Variants in ZNF675 observed in about 807,000 individuals in gnomAD.
The protein encoded by ZNF675 is zinc finger protein 675, also known as TRAF6 inhibitory zinc finger.
A neutral mutation model predicts 56.1 loss-of-function variants in ZNF675; 36 were observed. The observed-to-expected ratio is 0.64, with a 90% CI of 0.49 to 0.85. The LOEUF is 0.85. ZNF675 is among the 40% of genes least tolerant of loss of function. ZNF675 has a pLI of 0.00. For synonymous variants in ZNF675, 200 were observed against 218.9 expected, an observed-to-expected ratio of 0.91 and a Z score of 0.76; for missense variants, 663 against 654.2, an observed-to-expected ratio of 1.01 and a Z score of -0.15.
chr19:23,654,345 C>A lies in ZNF675; in HGVS notation c.588G>T (p.Lys196Asn). Residue 196 changes from lysine to asparagine, a missense_variant, in exon 4 of 4, where the codon AAG becomes AAT. By Grantham distance (94) the Lys-to-Asn change is moderately conservative. Transcript: ENST00000359788. ...ATTCTTCACATTTGCAGAAATTCACCTTGGTATAATTTCTTTCATGTCGAG... is the reference window on the plus strand; with the variant it reads ...ATTCTTCACATTTGCAGAAATTCACATTGGTATAATTTCTTTCATGTCGAG... ...HLTRHERNYTKVNFCKCEECE... is the reference protein window; with the variant it reads ...HLTRHERNYTNVNFCKCEECE... 6.2e-7 allele frequency: 1 copy of A among 1,611,728 alleles called. No homozygotes were observed. Among genetic ancestry groups the A allele is most frequent in the Non-Finnish European group, 8.5e-7 (1 of 1,179,156 alleles).
intron 1 of ZNF675, 89 bp from the exon 2 acceptor site, chr19:23,663,247 CA>C: frequency 6.7e-7 from 1 of 1,483,930 alleles, no homozygotes; most frequent in Admixed American, 2.2e-5. Context: ...CTAAAGAGAA[CA>C]GGTTCTGATT....
At chr19:23,678,583 A>AG (rs144457648) in intron 1 of ZNF675, among the ~76,000 whole-genome samples, 1 of 150,880 alleles carries the variant, frequency 6.6e-6, no homozygotes, top group Non-Finnish European at 1.5e-5. Flanking sequence ...AAAAAAAAAA[A>AG]TTAAATACAT....
At chr19:23,677,249 G>A (rs1169019244) in intron 1 of ZNF675, among the ~76,000 whole-genome samples, 1 of 138,366 alleles carries the variant, frequency 7.2e-6, no homozygotes, top group Non-Finnish European at 1.5e-5. Flanking sequence ...ACTATCCCGG[G>A]TGCAGATGAC....
chr19:23,668,940 G>A (rs944724893), intron 1 of ZNF675, among the ~76,000 whole-genome samples: 2 of 152,130 alleles, frequency 1.3e-5, no homozygotes, highest in East Asian at 1.9e-4. Context: ...TGAGGGAGTC[G>A]GCTCCGGCCT....
chr19:23,671,893 T>C (rs527753920), intron 1 of ZNF675, among the ~76,000 whole-genome samples: 1 of 152,122 alleles, frequency 6.6e-6, no homozygotes, highest in Admixed American at 6.6e-5. Flanking sequence ...ACCAAAGACA[T>C]CTCTTGCATG....
Position 23,653,804 on chromosome 19 carries a change from A to C in ZNF675, c.1129T>G (p.Phe377Val). Residue 377 changes from phenylalanine to valine, a missense_variant, in exon 4 of 4, where the codon TTT becomes GTT. This residue lies in a region of ZNF675 where 617 missense variants were observed against 590.5 expected (regional missense o/e 1.04). Coordinates refer to ENST00000359788, the MANE Select transcript of ZNF675 (RefSeq NM_138330.3). Reference sequence around the variant, plus strand: ...TCCGTAAGATTTGAGGATCGGTTAAAAGCTTTGCCGCATTCCTCACATTTG... The same window carrying C: ...TCCGTAAGATTTGAGGATCGGTTAACAGCTTTGCCGCATTCCTCACATTTG... ...PYKCEECGKA[F>V]NRSSNLTEHR... is the part of the protein sequence containing the mutation. The C allele has an allele frequency of 6.2e-7, 1 of 1,613,712 alleles. No homozygotes were observed. Among genetic ancestry groups the C allele is most frequent in the Non-Finnish European group, 8.5e-7 (1 of 1,179,908 alleles).
chr19:23,654,119 T>C lies in ZNF675; in HGVS notation c.814A>G (p.Thr272Ala), dbSNP rs1298653001. ...CCTGTATGAATTATCTTATGTGTAGTAAGGTGTGAGGACTGGTTAAAGGCT... is the reference window on the plus strand; with the variant it reads ...CCTGTATGAATTATCTTATGTGTAGCAAGGTGTGAGGACTGGTTAAAGGCT... ...GKAFNQSSHL[T>A]THKIIHTGEK... The change falls in exon 4 of 4, where the codon ACT becomes GCT. Residue 272 changes from threonine to alanine, a missense_variant. Around this residue, in one of 3 missense-constraint regions of ZNF675, gnomAD observed 617 missense variants for 590.5 expected, o/e 1.04. Transcript: ENST00000359788. 10 of 1,613,874 alleles carry C rather than the reference T, an allele frequency of 6.2e-6. No homozygotes were observed. The East Asian group carries it at 2.0e-4, about 32-fold the overall frequency.
rs772931213 is a variant in ZNF675, at chr19:23,663,080, A to G, written c.82T>C (p.Leu28=). 2 of 1,608,452 alleles carry G rather than the reference A, an allele frequency of 1.2e-6. No homozygotes were observed. Among genetic ancestry groups the G allele is most frequent in the African/African-American group, 2.7e-5 (2 of 74,546 alleles). The change falls in exon 2 of 4, where the codon TTA becomes CTA. Residue 28 remains leucine (L), a synonymous_variant. Transcript: ENST00000359788. ...TTCTCTAAAATCACATTTTTATATA[A>G]ATTCCGCTGTGCAGTGTCCAGGCAT... ...WQCLDTAQRN[L]YKNVILENYR...
At chr19:23,662,566 A>C (rs1046587306) in intron 2 of ZNF675, among the ~76,000 whole-genome samples, 3 of 152,252 alleles carry the variant, frequency 2.0e-5, no homozygotes, top group African/African-American at 7.2e-5. Flanking sequence ...ATTCTTCTCT[A>C]TACAGACAAA....
Position 23,662,145 on chromosome 19 carries a change from C to G in ZNF675, c.195G>C (p.Val65=), listed in dbSNP as rs767322226. ...CLEQEKEPLT[V]KRHEMVNEPP... is the part of the protein sequence containing the mutation. ...GTTCATTCACCATCTCATGTCTCTT[C>G]ACAGTCAAAGGCTCTTTTTCTTGCT... The change falls in exon 3 of 4, where the codon GTG becomes GTC. Residue 65 remains valine (V), a synonymous_variant. Coordinates refer to ENST00000359788, the MANE Select transcript of ZNF675 (RefSeq NM_138330.3). 1 of 1,613,708 alleles carries G rather than the reference C, an allele frequency of 6.2e-7. No individual in the cohort carries two copies. The highest frequency in any genetic ancestry group is 8.5e-7 in the Non-Finnish European group (1 of 1,179,834).
rs568336094 is a variant in ZNF675, at chr19:23,683,618, C to T, written c.3+3413G>A. Among the ~76,000 whole-genome samples, 170 of 152,184 alleles carry T rather than the reference C, an allele frequency of 1.1e-3. 1 individual carries two copies. Among genetic ancestry groups the T allele is most frequent in the Non-Finnish European group, 1.5e-3 (103 of 68,016 alleles). On this transcript the variant is annotated intron_variant, in intron 1 of 3. Transcript: ENST00000359788. The stretch of plus-strand genomic sequence containing the variant: ...TGTATTTTTAGTAGAGATGAGGTTT[C>T]ACCATATTGACCAGACTGGTCCTGA...
chr19:23,675,932 C>A (rs1968288413), intron 1 of ZNF675, among the ~76,000 whole-genome samples: 1 of 139,204 alleles, frequency 7.2e-6, no homozygotes, highest in Non-Finnish European at 1.5e-5. Context: ...TGAAAAAACT[C>A]AGTAAGATAA....
chr19:23,658,377 A>T (rs1968016146), intron 3 of ZNF675: 1 of 151,802 alleles, frequency 6.6e-6, no homozygotes. Flanking sequence ...TAAAAAAAAA[A>T]AAAACAAAAA....
At chr19:23,672,920 TCTTA>T (rs1038817112) in intron 1 of ZNF675, among the ~76,000 whole-genome samples, 7 of 152,192 alleles carry the variant, frequency 4.6e-5, no homozygotes, top group African/African-American at 1.7e-4. Flanking sequence ...TGTCAGAAAC[TCTTA>T]CTTACAGGAA....
At chr19:23,660,330 T>C (rs181820432) in intron 3 of ZNF675, among the ~76,000 whole-genome samples, 111 of 152,306 alleles carry the variant, frequency 7.3e-4, no homozygotes, top group Middle Eastern at 6.8e-3. Context: ...CAAAACTATA[T>C]TGTGCCCATT....
chr19:23,653,969 T>TA lies in ZNF675; in HGVS notation c.963dup (p.Thr322TyrfsTer10), dbSNP rs1261352190. ...TGTGTAGTAAGGGTTGAGGATTGGG[T>TA]AAAAGCCTTGCCACATTCTTCACAT... On this transcript the variant is annotated frameshift_variant, in exon 4 of 4. Coordinates refer to ENST00000359788, the MANE Select transcript of ZNF675 (RefSeq NM_138330.3). LOFTEE classifies it high-confidence loss of function. 6.2e-7 allele frequency: 1 copy of TA among 1,613,934 alleles called. No homozygotes were observed.
intron 1 of ZNF675, among the ~76,000 whole-genome samples, chr19:23,677,458 C>A (rs1162499540): frequency 1.3e-5 from 2 of 151,620 alleles, no homozygotes; most frequent in African/African-American, 2.4e-5. Context: ...GTAATCCCAG[C>A]ACTTTGGGAG....
At chr19:23,666,521 G>A (rs1366088492) in intron 1 of ZNF675, among the ~76,000 whole-genome samples, 4 of 152,052 alleles carry the variant, frequency 2.6e-5, no homozygotes, top group Non-Finnish European at 4.4e-5. Flanking sequence ...CCATTGTTCG[G>A]GCCCACTTTC....
At chr19:23,675,636 G>A (rs1056068958) in intron 1 of ZNF675, among the ~76,000 whole-genome samples, 2 of 151,770 alleles carry the variant, frequency 1.3e-5, no homozygotes, top group South Asian at 4.1e-4. Context: ...CAGAAATCAA[G>A]TTCTTTAAAA....
Sources: allele counts gnomAD v4.1 joint callset (sites outside exome capture counted in the v4.1 genomes callset), GRCh38; gene constraint gnomAD v4.1.1; regional missense constraint gnomAD v4.1.1; transcripts MANE v1.5; gene names NCBI Gene and HGNC (gene_info 2026-07-23, HGNC 2026-07-21).